Variants in PMEPA1 observed in about 807,000 individuals in gnomAD.
PMEPA1 encodes protein TMEPAI.
In PMEPA1, 11 loss-of-function variants were observed where a neutral mutation model predicts 23.0. The ratio of observed to expected loss-of-function variants is 0.48; its 90% confidence interval spans 0.30 to 0.79. PMEPA1 has a LOEUF of 0.79. Among genes scored for constraint, PMEPA1 ranks in the 30% least tolerant of loss-of-function variants. PMEPA1 has a pLI of 0.06. For synonymous variants in PMEPA1, 204 were observed against 166.4 expected, an observed-to-expected ratio of 1.23 and a Z score of -1.74; for missense variants, 377 against 390.9, an observed-to-expected ratio of 0.96 and a Z score of 0.30.
rs145705272 is a variant in PMEPA1 at position 57,653,531 on chromosome 20, A to G, written c.265-445T>C. ...TCAACGCTGCAGTTTCTGTACCTGAATTACAGTTCTTGAGATTACAGTACT... is the reference window on the plus strand; with the variant it reads ...TCAACGCTGCAGTTTCTGTACCTGAGTTACAGTTCTTGAGATTACAGTACT... On this transcript the variant is annotated intron_variant, in intron 2 of 3. Coordinates refer to ENST00000341744, the MANE Select transcript of PMEPA1 (RefSeq NM_020182.5). 9.9e-3 allele frequency among the ~76,000 whole-genome samples: 1,503 copies of G among 152,378 alleles called. 93 individuals carry two copies. Among genetic ancestry groups the G allele is most frequent in the Admixed American group, 0.091 (1,397 of 15,308 alleles).
At chr20:57,667,984 G>A (rs928503358) in intron 1 of PMEPA1, among the ~76,000 whole-genome samples, 1 of 152,210 alleles carries the variant, frequency 6.6e-6, no homozygotes, top group East Asian at 1.9e-4. Context: ...GACCTTTTAT[G>A]GGTAAAAAAA....
At chr20:57,710,389 A>G, upstream of PMEPA1, 1 of 1,513,346 alleles carries the variant, frequency 6.6e-7, no homozygotes, top group Non-Finnish European at 9.0e-7. Context: ...TCTTCTGAGG[A>G]GCACAAGGTC....
intron 1 of PMEPA1, chr20:57,690,395 T>C (rs1476030230): frequency 7.7e-7 from 1 of 1,290,900 alleles, no homozygotes; most frequent in Non-Finnish European, 1.0e-6. Context: ...GAAACTTACC[T>C]CCATGTGCTG....
chr20:57,681,026 A>G (rs1347556147), intron 1 of PMEPA1, among the ~76,000 whole-genome samples: 5 of 152,148 alleles, frequency 3.3e-5, no homozygotes, highest in Non-Finnish European at 7.4e-5. Flanking sequence ...TGAGAATGTC[A>G]ATCTGCAGGA....
At chr20:57,657,077 T>A (rs537802849) in intron 2 of PMEPA1, among the ~76,000 whole-genome samples, 2 of 152,264 alleles carry the variant, frequency 1.3e-5, no homozygotes, top group African/African-American at 4.8e-5. Context: ...TGTGACGGAA[T>A]CCTACCCCTT....
chr20:57,660,591 T>C (rs1407695935), intron 1 of PMEPA1, among the ~76,000 whole-genome samples: 1 of 125,964 alleles, frequency 7.9e-6, no homozygotes, highest in African/African-American at 3.3e-5. Flanking sequence ...CCTACACAAA[T>C]AACACCCCAA....
At chr20:57,706,819 AC>A (rs992573860) in intron 1 of PMEPA1, among the ~76,000 whole-genome samples, 1 of 152,048 alleles carries the variant, frequency 6.6e-6, no homozygotes, top group Non-Finnish European at 1.5e-5. Context: ...AGGGATGTGA[AC>A]CCCGAGCTTG....
rs913324718 is a variant in PMEPA1 at position 57,655,311 on chromosome 20, C to T, written c.265-2225G>A. On this transcript the variant is annotated intron_variant, in intron 2 of 3. Coordinates refer to ENST00000341744, the MANE Select transcript of PMEPA1 (RefSeq NM_020182.5). This position sits in a 1 kb window ranked among gnomAD's most constrained non-coding sequence, Gnocchi z 4.2. ...CAGAGCTCTCCGTTAGCCCCCCAGG[C>T]GGGTCAGGCACCTCCTCCCATCTCC... 4.6e-5 allele frequency among the ~76,000 whole-genome samples: 7 copies of T among 152,174 alleles called. No homozygotes were observed. The East Asian group carries it at 5.8e-4, about 13-fold the overall frequency.
chr20:57,708,903 G>C (rs1190796552), intron 1 of PMEPA1, among the ~76,000 whole-genome samples: 1 of 151,972 alleles, frequency 6.6e-6, no homozygotes, highest in African/African-American at 2.4e-5. Context: ...TCTTGGGCAA[G>C]ACCGCGACTC....
intron 1 of PMEPA1, among the ~76,000 whole-genome samples, chr20:57,676,779 C>T (rs1172770815): frequency 4.6e-5 from 7 of 152,176 alleles, no homozygotes; most frequent in Admixed American, 3.9e-4. Context: ...GACCCTGTGG[C>T]CAAAGGAGGA....
chr20:57,709,196 C>T (rs2072128989), intron 1 of PMEPA1, among the ~76,000 whole-genome samples: 1 of 151,298 alleles, frequency 6.6e-6, no homozygotes, highest in Non-Finnish European at 1.5e-5. Context: ...AACCCTCCCG[C>T]GCCGTGCGCC....
chr20:57,681,382 G>C (rs541414314), intron 1 of PMEPA1, among the ~76,000 whole-genome samples: 8 of 152,232 alleles, frequency 5.3e-5, no homozygotes, highest in Non-Finnish European at 8.8e-5. Context: ...AGCCCTGTGC[G>C]AGGCAACCAG....
At chr20:57,693,976 C>T (rs753132088) in intron 1 of PMEPA1, among the ~76,000 whole-genome samples, 5 of 152,184 alleles carry the variant, frequency 3.3e-5, no homozygotes, top group Non-Finnish European at 7.3e-5. Flanking sequence ...CTTTCTCTGC[C>T]GGTGAGGATG....
At chr20:57,692,642 G>A (rs889191705) in intron 1 of PMEPA1, among the ~76,000 whole-genome samples, 9 of 152,238 alleles carry the variant, frequency 5.9e-5, no homozygotes, top group African/African-American at 2.2e-4. Flanking sequence ...TGCAGAGGAG[G>A]CCAAGTGGCT....
At chr20:57,709,448 G>C in intron 1 of PMEPA1, 26 bp downstream of exon 1, 1 of 1,095,112 alleles carries the variant, frequency 9.1e-7, no homozygotes, top group East Asian at 5.8e-5. Context: ...TGGAGTCTCC[G>C]GGGAGGGGGG....
At chr20:57,707,079 T>C (rs2072100385) in intron 1 of PMEPA1, among the ~76,000 whole-genome samples, 1 of 152,206 alleles carries the variant, frequency 6.6e-6, no homozygotes, top group Non-Finnish European at 1.5e-5. Flanking sequence ...AGAAGGTATC[T>C]TACAGGATAG....
intron 1 of PMEPA1, 134 bp downstream of exon 1, chr20:57,709,340 G>A (rs1374328067): frequency 3.9e-6 from 2 of 516,104 alleles, no homozygotes; most frequent in African/African-American, 2.1e-5. Flanking sequence ...CCCGGGGCGC[G>A]GCGGGCGCTG....
intron 1 of PMEPA1, among the ~76,000 whole-genome samples, chr20:57,680,918 C>A (rs934621196): frequency 6.6e-6 from 1 of 152,138 alleles, no homozygotes; most frequent in Non-Finnish European, 1.5e-5. Context: ...GAGCAGTCTG[C>A]GTGAGGACGT....
intron 1 of PMEPA1, among the ~76,000 whole-genome samples, chr20:57,693,928 A>G (rs1419642454): frequency 6.6e-6 from 1 of 152,220 alleles, no homozygotes; most frequent in African/African-American, 2.4e-5. Flanking sequence ...GCTGAGATTC[A>G]GGCTGGAGCC....
Sources: allele counts gnomAD v4.1 joint callset (sites outside exome capture counted in the v4.1 genomes callset), GRCh38; gene constraint gnomAD v4.1.1; non-coding constraint Gnocchi (gnomAD v3.1); transcripts MANE v1.5; gene names NCBI Gene and HGNC (gene_info 2026-07-23, HGNC 2026-07-21).